Variants in SPOCK3 observed in about 807,000 individuals in gnomAD.
SPOCK3 encodes the protein testican-3.
A neutral mutation model predicts 56.6 loss-of-function variants in SPOCK3; 30 were observed. The ratio of observed to expected loss-of-function variants is 0.53; its 90% CI spans 0.40 to 0.72. The LOEUF (loss-of-function observed/expected upper bound fraction) is 0.72, where lower values mean the gene tolerates loss of function less well. Ranked by LOEUF, SPOCK3 falls within the 30% of genes least tolerant of loss-of-function variation. SPOCK3 has a pLI of 0.00. For missense variants in SPOCK3, 527 were observed against 530.0 expected (o/e 0.99, Z 0.06); for synonymous variants, 196 against 183.3 (o/e 1.07, Z -0.56).
chr4:167,228,128 T>A (rs542112166), intron 2 of SPOCK3, among the ~76,000 whole-genome samples: 4 of 152,166 alleles, frequency 2.6e-5, no homozygotes, highest in Non-Finnish European at 5.9e-5. Context: ...ACATGTTATG[T>A]GTAATAACTA....
chr4:166,836,920 T>G (rs1329190235), intron 6 of SPOCK3, among the ~76,000 whole-genome samples: 1 of 152,214 alleles, frequency 6.6e-6, no homozygotes, highest in Non-Finnish European at 1.5e-5. Flanking sequence ...TTAGTAATTT[T>G]CCATTCATTA....
At chr4:167,217,862 A>G (rs1735520310) in intron 2 of SPOCK3, among the ~76,000 whole-genome samples, 1 of 151,938 alleles carries the variant, frequency 6.6e-6, no homozygotes, top group Non-Finnish European at 1.5e-5. Context: ...ATTACTATGG[A>G]TTTTTTATTA....
At chr4:167,105,933 A>G (rs1011142951) in intron 2 of SPOCK3, among the ~76,000 whole-genome samples, 2 of 152,016 alleles carry the variant, frequency 1.3e-5, no homozygotes, top group Non-Finnish European at 1.5e-5. Context: ...GCAAGAGGAT[A>G]TAACAATTGT....
At chr4:166,991,996 ATTAAG>A (rs1381047631) in intron 4 of SPOCK3, among the ~76,000 whole-genome samples, 2 of 152,228 alleles carry the variant, frequency 1.3e-5, no homozygotes, top group African/African-American at 4.8e-5. Flanking sequence ...TCAATAAAGT[ATTAAG>A]TTAAGTAAAT....
intron 4 of SPOCK3, among the ~76,000 whole-genome samples, chr4:166,976,674 T>C (rs917245170): frequency 4.6e-5 from 7 of 152,122 alleles, no homozygotes; most frequent in Non-Finnish European, 1.0e-4. Flanking sequence ...TTTATTTTTC[T>C]CCTTAAAATT....
intron 3 of SPOCK3, among the ~76,000 whole-genome samples, chr4:167,024,619 G>A (rs1211819727): frequency 6.6e-6 from 1 of 151,998 alleles, no homozygotes; most frequent in Non-Finnish European, 1.5e-5. Flanking sequence ...ATTAGGATAT[G>A]TGTCAGTAAC....
chr4:167,173,678 G>A (rs923024085), intron 2 of SPOCK3, among the ~76,000 whole-genome samples: 2 of 152,120 alleles, frequency 1.3e-5, no homozygotes, highest in African/African-American at 4.8e-5. Context: ...TGCCTACTGA[G>A]TAATGGGTAC....
chr4:167,084,176 G>A (rs373977891), intron 2 of SPOCK3, among the ~76,000 whole-genome samples: 1 of 152,028 alleles, frequency 6.6e-6, no homozygotes, highest in Non-Finnish European at 1.5e-5. Context: ...TATATTAAAA[G>A]TTATTAAAAG....
chr4:167,164,998 C>A (rs1409284381), intron 2 of SPOCK3, among the ~76,000 whole-genome samples: 1 of 152,130 alleles, frequency 6.6e-6, no homozygotes, highest in African/African-American at 2.4e-5. Context: ...GGTTCTAGAT[C>A]AGTGAGGAGT....
At chr4:167,060,114 C>T (rs146534849) in intron 3 of SPOCK3, among the ~76,000 whole-genome samples, 34 of 151,640 alleles carry the variant, frequency 2.2e-4, no homozygotes, top group East Asian at 1.2e-3. Flanking sequence ...AACTAACCTG[C>T]ACATTGTGTA....
intron 6 of SPOCK3, among the ~76,000 whole-genome samples, chr4:166,814,296 T>C (rs1744163821): frequency 6.6e-6 from 1 of 152,062 alleles, no homozygotes; most frequent in Admixed American, 6.6e-5. Context: ...TGATGATTAA[T>C]GTTAGGTGTC....
intron 2 of SPOCK3, chr4:167,083,098 C>T: frequency 1.4e-6 from 1 of 737,106 alleles, no homozygotes; most frequent in Non-Finnish European, 2.5e-6. Context: ...GCCCCCCTCA[C>T]ACAATGAATG....
At chr4:166,766,833 T>A (rs1451845348) in intron 7 of SPOCK3, among the ~76,000 whole-genome samples, 1 of 152,216 alleles carries the variant, frequency 6.6e-6, no homozygotes, top group African/African-American at 2.4e-5. Context: ...TTTTTTTGGT[T>A]GGTACGCTCT....
intron 8 of SPOCK3, among the ~76,000 whole-genome samples, chr4:166,747,261 C>G (rs1043553731): frequency 6.6e-6 from 1 of 152,174 alleles, no homozygotes; most frequent in Admixed American, 6.5e-5. Flanking sequence ...CCGAATCCAG[C>G]AGCACATCAA....
chr4:167,108,097 T>C (rs904024202), intron 2 of SPOCK3, among the ~76,000 whole-genome samples: 2 of 151,732 alleles, frequency 1.3e-5, no homozygotes. Flanking sequence ...ATCAAAACTA[T>C]AATGAGATAT....
chr4:167,234,196 G>T, intron 1 of SPOCK3, 23 bp from the exon 2 acceptor site: 1 of 1,611,314 alleles, frequency 6.2e-7, no homozygotes, highest in African/African-American at 1.3e-5. Flanking sequence ...ACACAACGGG[G>T]GGTGGGGGGG....
In SPOCK3 at chr4:166,855,201, A is replaced by G. The variant is rs143620923; in HGVS notation, c.589+33929T>C. On this transcript the variant is annotated intron_variant, in intron 6 of 10. Coordinates refer to ENST00000357545, the MANE Select transcript of SPOCK3 (RefSeq NM_001040159.2). ...AGAAAAGTTTCCCCCTGACCCCCCAACAATCAGCTCAGCACTTCTCACACA... is the reference window on the plus strand; with the variant it reads ...AGAAAAGTTTCCCCCTGACCCCCCAGCAATCAGCTCAGCACTTCTCACACA... Among the ~76,000 whole-genome samples, 4 of 152,270 alleles carry G rather than the reference A, an allele frequency of 2.6e-5. No individual in the cohort carries two copies. In the East Asian group the frequency reaches 7.7e-4, roughly 29 times the overall value.
intron 4 of SPOCK3, among the ~76,000 whole-genome samples, chr4:166,972,834 C>G (rs1745534748): frequency 6.6e-6 from 1 of 151,762 alleles, no homozygotes; most frequent in Admixed American, 6.6e-5. Flanking sequence ...AAAATAACTA[C>G]AGGTGTGACA....
intron 3 of SPOCK3, among the ~76,000 whole-genome samples, chr4:167,031,099 G>A (rs1752236397): frequency 6.6e-6 from 1 of 151,922 alleles, no homozygotes; most frequent in Non-Finnish European, 1.5e-5. Flanking sequence ...TCACCTTAAT[G>A]TTTAGATAAA....
Sources: gnomAD v4.1 joint callset for allele counts (sites outside exome capture counted in the v4.1 genomes callset) on GRCh38, gnomAD v4.1.1 for gene constraint, MANE v1.5 for transcripts, NCBI Gene and HGNC (gene_info 2026-07-23, HGNC 2026-07-21) for gene names.